DOCK4: variants seen among roughly 807,000 people sequenced by gnomAD.
The protein encoded by DOCK4 is dedicator of cytokinesis 4, also known as dedicator of cytokinesis protein 4.
In DOCK4, 97 loss-of-function variants were observed where a neutral mutation model predicts 268.1. The observed-to-expected ratio is 0.36, with a 90% CI of 0.31 to 0.43. DOCK4 has a LOEUF of 0.43. Among genes scored for constraint, DOCK4 ranks in the 20% least tolerant of loss-of-function variants. DOCK4 has a pLI of 1.00. For missense variants in DOCK4, 2,145 were observed against 2,455.7 expected (o/e 0.87, Z 2.67); for synonymous variants, 954 against 887.2 (o/e 1.08, Z -1.34).
At position 112,004,119 on chromosome 7, in the gene DOCK4, A is replaced by G; in HGVS notation, c.50T>C (p.Phe17Ser). 1 of 1,591,232 alleles carries G rather than the reference A, an allele frequency of 6.3e-7. No homozygotes were observed. The highest frequency in any genetic ancestry group is 1.1e-5 in the South Asian group (1 of 86,984). Residue 17 changes from phenylalanine to serine, a missense_variant, in exon 2 of 53, where the codon TTC becomes TCC. Transcript: ENST00000428084. Reference sequence around the variant, plus strand: ...CAGGCCATATGGAACGGTTCCTCGGAAACTGGCAATAACTGTAAAAAATGA... The same window carrying G: ...CAGGCCATATGGAACGGTTCCTCGGGAACTGGCAATAACTGTAAAAAATGA... ...HEKYGVVIAS[F>S]RGTVPYGLSL...
At chr7:112,206,000 C>T (rs1388637391) in intron 1 of DOCK4, 102 bp downstream of exon 1, 2 of 1,327,144 alleles carry the variant, frequency 1.5e-6, no homozygotes, top group African/African-American at 1.5e-5. Flanking sequence ...CAGGATTAGG[C>T]ATTTTCAACC....
At chr7:111,885,609 T>C (rs926896530) in intron 16 of DOCK4, among the ~76,000 whole-genome samples, 5 of 152,226 alleles carry the variant, frequency 3.3e-5, no homozygotes, top group African/African-American at 1.2e-4. Context: ...CCCCGGCTTC[T>C]TGAAGCTGCT....
At chr7:111,845,028 A>G in intron 24 of DOCK4, 131 bp from the exon 25 acceptor site, 1 of 1,277,960 alleles carries the variant, frequency 7.8e-7, no homozygotes, top group South Asian at 1.5e-5. Flanking sequence ...ATCTCCTTTT[A>G]CAGTAAACAA....
chr7:111,832,190 T>C (rs1802871416), intron 26 of DOCK4, among the ~76,000 whole-genome samples: 1 of 152,240 alleles, frequency 6.6e-6, no homozygotes, highest in Admixed American at 6.5e-5. Context: ...TAGAGAGGTC[T>C]GAATGTTCCA....
chr7:111,939,549 G>C (rs991545590), intron 11 of DOCK4, among the ~76,000 whole-genome samples: 1 of 151,650 alleles, frequency 6.6e-6, no homozygotes, highest in South Asian at 2.1e-4. Context: ...CTTATGCCTA[G>C]TGTTCCATTA....
intron 2 of DOCK4, among the ~76,000 whole-genome samples, chr7:112,003,151 T>A (rs1163268371): frequency 1.3e-5 from 2 of 150,928 alleles, no homozygotes; most frequent in Non-Finnish European, 2.9e-5. Flanking sequence ...AAGGTCAAGG[T>A]GGAAGGATCA....
chr7:111,864,607 CT>C (rs1467085134), intron 22 of DOCK4, among the ~76,000 whole-genome samples: 2 of 152,160 alleles, frequency 1.3e-5, no homozygotes, highest in African/African-American at 2.4e-5. Context: ...GCAAAAATAT[CT>C]AGAAGAGCCA....
chr7:112,100,479 C>T lies in DOCK4; in HGVS notation c.38-96348G>A, dbSNP rs538309207. Among the ~76,000 whole-genome samples, 170 of 152,382 alleles carry T rather than the reference C, an allele frequency of 1.1e-3. No homozygotes were observed. The Middle Eastern group carries it at 0.014, about 12-fold the overall frequency. On this transcript the variant is annotated intron_variant, in intron 1 of 52. Transcript: ENST00000428084. ...TTACCCAAGCCTGAAAAGACCCCGT[C>T]CTTCCCTCTGAGCCTGCTAGAGACC...
intron 27 of DOCK4, among the ~76,000 whole-genome samples, chr7:111,817,747 T>C (rs1216932160): frequency 4.6e-5 from 7 of 152,136 alleles, no homozygotes; most frequent in Non-Finnish European, 8.8e-5. Flanking sequence ...TATTAGTAAA[T>C]CAACATGCTG....
chr7:112,031,295 T>A (rs527559735), intron 1 of DOCK4, among the ~76,000 whole-genome samples: 1 of 152,332 alleles, frequency 6.6e-6, no homozygotes, highest in South Asian at 2.1e-4. Flanking sequence ...CCCTGTCTTG[T>A]CTGCTGGGTT....
intron 1 of DOCK4, among the ~76,000 whole-genome samples, chr7:112,107,635 A>G (rs1190554790): frequency 1.3e-5 from 2 of 152,240 alleles, no homozygotes; most frequent in Non-Finnish European, 2.9e-5. Flanking sequence ...AATGCATACT[A>G]TAAGAGAAAA....
chr7:111,733,165 T>A (rs1172237243), intron 51 of DOCK4, among the ~76,000 whole-genome samples: 4 of 152,158 alleles, frequency 2.6e-5, no homozygotes, highest in Admixed American at 1.3e-4. Flanking sequence ...CTCCCAGCTG[T>A]CACAGTGAGG....
chr7:111,880,656 T>G (rs1807304136), intron 16 of DOCK4, among the ~76,000 whole-genome samples: 1 of 152,124 alleles, frequency 6.6e-6, no homozygotes, highest in Non-Finnish European at 1.5e-5. Flanking sequence ...AGGAATCACA[T>G]TACGTTACTT....
At chr7:111,869,430 G>C in intron 21 of DOCK4, 144 bp downstream of exon 21, 1 of 740,570 alleles carries the variant, frequency 1.4e-6, no homozygotes. Context: ...CTCTCAAGCA[G>C]TCACAAACTG....
At chr7:112,014,270 T>C (rs1211297358) in intron 1 of DOCK4, among the ~76,000 whole-genome samples, 1 of 152,242 alleles carries the variant, frequency 6.6e-6, no homozygotes, top group Non-Finnish European at 1.5e-5. Flanking sequence ...GCACTTCTTT[T>C]ATGCGCATTT....
intron 30 of DOCK4, among the ~76,000 whole-genome samples, chr7:111,799,742 A>G (rs1300696192): frequency 1.3e-5 from 2 of 152,154 alleles, no homozygotes; most frequent in Non-Finnish European, 2.9e-5. Context: ...AAATATTAAA[A>G]CTTCTTTTTA....
At chr7:112,188,502 G>A (rs1218257887) in intron 1 of DOCK4, among the ~76,000 whole-genome samples, 3 of 152,218 alleles carry the variant, frequency 2.0e-5, no homozygotes, top group African/African-American at 4.8e-5. Context: ...AGGTACTTTA[G>A]AATGATGATA....
intron 5 of DOCK4, among the ~76,000 whole-genome samples, chr7:111,992,320 T>C (rs1026080624): frequency 6.6e-6 from 1 of 152,136 alleles, no homozygotes; most frequent in Non-Finnish European, 1.5e-5. Flanking sequence ...CGATGGACAA[T>C]AACCTAAACA....
intron 23 of DOCK4, among the ~76,000 whole-genome samples, chr7:111,857,424 T>G (rs1433846681): frequency 2.6e-5 from 4 of 152,176 alleles, no homozygotes; most frequent in African/African-American, 7.2e-5. Context: ...AACACTTGAT[T>G]TTTTAGTCTG....
Sources: allele counts gnomAD v4.1 joint callset (sites outside exome capture counted in the v4.1 genomes callset), GRCh38; gene constraint gnomAD v4.1.1; transcripts MANE v1.5; gene names NCBI Gene and HGNC (gene_info 2026-07-23, HGNC 2026-07-21).